The following FSTL4 variants were observed in gnomAD, a reference collection of about 807,000 sequenced individuals.
FSTL4 encodes follistatin-related protein 4.
A neutral mutation model predicts 78.2 loss-of-function variants in FSTL4; 28 were observed. The ratio of observed to expected loss-of-function variants is 0.36; its 90% confidence interval spans 0.27 to 0.49. FSTL4 has a LOEUF of 0.49. Ranked by LOEUF, FSTL4 falls within the 20% of genes least tolerant of loss-of-function variation. The probability of loss-of-function intolerance (pLI) is 0.98; values close to 1 mark genes in which losing one functional copy is unlikely to be tolerated. For synonymous variants in FSTL4, 422 were observed against 440.5 expected (o/e 0.96, Z 0.53); for missense variants, 922 against 1,084.9 (o/e 0.85, Z 2.11).
At chr5:133,402,239 A>G (rs991706884) in intron 3 of FSTL4, among the ~76,000 whole-genome samples, 6 of 152,224 alleles carry the variant, frequency 3.9e-5, no homozygotes, top group Admixed American at 2.0e-4. Flanking sequence ...GATCTCAGGC[A>G]GCAGCACCCA....
chr5:133,210,981 T>C (rs1031445497), intron 13 of FSTL4: 1 of 152,264 alleles, frequency 6.6e-6, no homozygotes, highest in Middle Eastern at 3.2e-3. Flanking sequence ...CTCTGTGGCC[T>C]AGATTCTGGT....
intron 6 of FSTL4, among the ~76,000 whole-genome samples, chr5:133,275,133 G>A (rs535542415): frequency 1.3e-5 from 2 of 152,112 alleles, no homozygotes; most frequent in African/African-American, 4.8e-5. Context: ...GCTTGGTGGT[G>A]CACGCTTGTA....
At position 133,561,547 on chromosome 5, in the gene FSTL4, T is replaced by C. The variant is rs575034426; in HGVS notation, c.160+5639A>G. On this transcript the variant is annotated intron_variant, in intron 3 of 15. Coordinates refer to ENST00000265342, the MANE Select transcript of FSTL4 (RefSeq NM_015082.2). ...TCTGAGCTGCAGCTGCTTGTGGCCA[T>C]CCTGGAAGGCTACCTGGAAGAGGCC... Among the ~76,000 whole-genome samples, 27 of 152,216 alleles carry C rather than the reference T, an allele frequency of 1.8e-4. No individual in the cohort carries two copies. The South Asian group carries it at 3.1e-3, about 18-fold the overall frequency.
chr5:133,483,360 A>G (rs1758067452), intron 3 of FSTL4, among the ~76,000 whole-genome samples: 1 of 152,218 alleles, frequency 6.6e-6, no homozygotes, highest in African/African-American at 2.4e-5. Context: ...ATGTGACAGA[A>G]GGCCGGCCTT....
At chr5:133,661,118 G>T in the FSTL4 span, among the ~76,000 whole-genome samples, 1 of 152,120 alleles carries the variant, frequency 6.6e-6, no homozygotes, top group Non-Finnish European at 1.5e-5. Context: ...AGCCTCCCAA[G>T]TAGCTGGGAT....
At chr5:133,797,932 G>A in the FSTL4 span, among the ~76,000 whole-genome samples, 12 of 152,190 alleles carry the variant, frequency 7.9e-5, no homozygotes, top group South Asian at 2.3e-3. Flanking sequence ...TGGCCCCAGA[G>A]CACAGCCACG....
the FSTL4 span, among the ~76,000 whole-genome samples, chr5:133,794,430 C>T: frequency 1.3e-5 from 2 of 152,328 alleles, no homozygotes; most frequent in East Asian, 1.9e-4. Flanking sequence ...GAGGTGGCTG[C>T]TCCAGCTCCA....
At position 133,364,611 on chromosome 5, in the gene FSTL4, C is replaced by T. The variant is rs924853057; in HGVS notation, c.409+36127G>A. ...TAAATGAATCCTGAAGGAGATGGTA[C>T]ATTTTTTAAGCCACTTAATTGAATC... On this transcript the variant is annotated intron_variant, in intron 4 of 15. Transcript: ENST00000265342. 2.0e-4 allele frequency among the ~76,000 whole-genome samples: 30 copies of T among 152,320 alleles called. 1 individual carries two copies. Among genetic ancestry groups the T allele is most frequent in the Admixed American group, 1.9e-3 (29 of 15,298 alleles).
chr5:133,210,646 C>T (rs533672801), intron 13 of FSTL4, among the ~76,000 whole-genome samples: 2 of 152,112 alleles, frequency 1.3e-5, no homozygotes, highest in African/African-American at 4.8e-5. Flanking sequence ...GCATACACAC[C>T]ACGCCCTGCT....
chr5:133,288,002 C>T (rs1380401798), intron 6 of FSTL4, among the ~76,000 whole-genome samples: 1 of 152,234 alleles, frequency 6.6e-6, no homozygotes, highest in Non-Finnish European at 1.5e-5. Flanking sequence ...GATTTAATCC[C>T]AGCTGTGCTA....
chr5:133,225,640 AC>A lies in FSTL4; in HGVS notation c.1177+17del. On this transcript the variant is annotated intron_variant, in intron 9 of 15. Transcript: ENST00000265342. This position sits in a 1 kb window ranked among gnomAD's most constrained non-coding sequence, Gnocchi z 4.6. ...GAATGGGAATATCGCATAGACGTCT[AC>A]CAAGGGCAGTTCTTACCTAAAAGGG... The A allele has an allele frequency of 6.4e-7, 1 of 1,557,400 alleles. No homozygotes were observed. The highest frequency in any genetic ancestry group is 8.7e-7 in the Non-Finnish European group (1 of 1,151,854).
At chr5:133,673,928 A>G in the FSTL4 span, among the ~76,000 whole-genome samples, 49 of 152,232 alleles carry the variant, frequency 3.2e-4, no homozygotes, top group Non-Finnish European at 2.2e-4. Flanking sequence ...TGTTCTTACT[A>G]TAATTTTTCA....
At chr5:133,686,940 G>A in the FSTL4 span, among the ~76,000 whole-genome samples, 2 of 152,222 alleles carry the variant, frequency 1.3e-5, no homozygotes, top group South Asian at 2.1e-4. Context: ...GACAGTGGTT[G>A]GTGGGAAGAA....
At chr5:133,286,778 G>A (rs1474867238) in intron 6 of FSTL4, among the ~76,000 whole-genome samples, 1 of 152,164 alleles carries the variant, frequency 6.6e-6, no homozygotes, top group Non-Finnish European at 1.5e-5. Context: ...CTGCTTTTTG[G>A]AAACAATTTT....
the FSTL4 span, among the ~76,000 whole-genome samples, chr5:133,648,034 C>T: frequency 1.3e-5 from 2 of 152,140 alleles, no homozygotes; most frequent in Non-Finnish European, 1.5e-5. Flanking sequence ...CTGCCATCCA[C>T]GGAACATGTG....
chr5:133,439,054 C>T (rs1223555990), intron 3 of FSTL4, among the ~76,000 whole-genome samples: 1 of 152,182 alleles, frequency 6.6e-6, no homozygotes, highest in Non-Finnish European at 1.5e-5. Context: ...GTAACACTGT[C>T]TAGAAGGAAA....
At chr5:133,391,702 T>C (rs1434925600) in intron 4 of FSTL4, among the ~76,000 whole-genome samples, 1 of 152,188 alleles carries the variant, frequency 6.6e-6, no homozygotes, top group Non-Finnish European at 1.5e-5. Flanking sequence ...AGCTCCTACC[T>C]TAGGATCTTT....
intron 3 of FSTL4, among the ~76,000 whole-genome samples, chr5:133,524,447 G>T (rs1759048393): frequency 6.6e-6 from 1 of 152,186 alleles, no homozygotes; most frequent in African/African-American, 2.4e-5. Context: ...GGCGAGAGCG[G>T]TGTCAACTCT....
chr5:133,788,016 T>C, the FSTL4 span, among the ~76,000 whole-genome samples: 1 of 152,240 alleles, frequency 6.6e-6, no homozygotes. Flanking sequence ...GGCACCCTGC[T>C]TTCTATGTGT....
Sources: allele counts gnomAD v4.1 joint callset (sites outside exome capture counted in the v4.1 genomes callset), GRCh38; gene constraint gnomAD v4.1.1; non-coding constraint Gnocchi (gnomAD v3.1); transcripts MANE v1.5; gene names NCBI Gene and HGNC (gene_info 2026-07-23, HGNC 2026-07-21).